SPHKAP: variants seen among roughly 807,000 people sequenced by gnomAD.
The protein encoded by SPHKAP is A-kinase anchor protein SPHKAP.
SPHKAP carries 67 observed loss-of-function variants against 137.5 expected under a neutral mutation model. The observed-to-expected ratio is 0.49, with a 90% confidence interval of 0.40 to 0.60. The LOEUF (loss-of-function observed/expected upper bound fraction) is 0.60. Among genes scored for constraint, SPHKAP ranks in the 20% least tolerant of loss-of-function variants. The pLI is 0.00. For missense variants in SPHKAP, 2,097 were observed against 2,069.3 expected (o/e 1.01, Z -0.26); for synonymous variants, 813 against 785.3 (o/e 1.04, Z -0.59).
At chr2:228,106,787 A>G (rs2106345157) in intron 3 of SPHKAP, among the ~76,000 whole-genome samples, 1 of 152,226 alleles carries the variant, frequency 6.6e-6, no homozygotes, top group Non-Finnish European at 1.5e-5. Context: ...TCTTCTACCC[A>G]TCCTAGAAAT....
chr2:228,051,911 G>A (rs1456428852), intron 3 of SPHKAP, among the ~76,000 whole-genome samples: 1 of 152,026 alleles, frequency 6.6e-6, no homozygotes, highest in Non-Finnish European at 1.5e-5. Flanking sequence ...ATTGATGAGA[G>A]TTCAGCCTTC....
chr2:228,002,355 G>T (rs1032159868), intron 7 of SPHKAP, among the ~76,000 whole-genome samples: 1 of 152,196 alleles, frequency 6.6e-6, no homozygotes, highest in Non-Finnish European at 1.5e-5. Context: ...TCTGTTGGCT[G>T]CATAAATGTC....
At chr2:228,003,791 A>G (rs1378662284) in intron 7 of SPHKAP, among the ~76,000 whole-genome samples, 2 of 152,190 alleles carry the variant, frequency 1.3e-5, no homozygotes, top group Non-Finnish European at 2.9e-5. Context: ...GAATTTTGTC[A>G]AAGGACTTTT....
intron 1 of SPHKAP, among the ~76,000 whole-genome samples, chr2:228,147,588 C>A (rs73997215): frequency 6.6e-6 from 1 of 152,086 alleles, no homozygotes; most frequent in Non-Finnish European, 1.5e-5. Context: ...ACTTGGGTCC[C>A]GACTGTCACT....
intron 3 of SPHKAP, among the ~76,000 whole-genome samples, chr2:228,106,275 A>C (rs1698343381): frequency 1.3e-5 from 2 of 152,228 alleles, no homozygotes; most frequent in African/African-American, 4.8e-5. Context: ...ACATCTAAAC[A>C]CTAGAAGTTC....
intron 3 of SPHKAP, among the ~76,000 whole-genome samples, chr2:228,076,193 T>C (rs1697177445): frequency 6.6e-6 from 1 of 152,148 alleles, no homozygotes; most frequent in Non-Finnish European, 1.5e-5. Flanking sequence ...GAACTGTAAG[T>C]TTAATAAACA....
chr2:228,133,809 C>T (rs539296319), intron 1 of SPHKAP, among the ~76,000 whole-genome samples: 2 of 152,144 alleles, frequency 1.3e-5, no homozygotes, highest in Non-Finnish European at 2.9e-5. Flanking sequence ...TTGGCATTTC[C>T]ATTATTATGG....
At chr2:228,163,777 A>G (rs989378095) in intron 1 of SPHKAP, among the ~76,000 whole-genome samples, 1 of 152,162 alleles carries the variant, frequency 6.6e-6, no homozygotes, top group African/African-American at 2.4e-5. Context: ...ATGTCCTTGA[A>G]ACTCAATAAG....
At chr2:228,101,669 A>G (rs1381494434) in intron 3 of SPHKAP, among the ~76,000 whole-genome samples, 1 of 152,244 alleles carries the variant, frequency 6.6e-6, no homozygotes. Flanking sequence ...AACCTGAGGC[A>G]GAGAAAGACT....
chr2:228,134,135 A>G (rs970618694), intron 1 of SPHKAP, among the ~76,000 whole-genome samples: 1 of 60,560 alleles, frequency 1.7e-5, no homozygotes, highest in African/African-American at 6.5e-5. Context: ...AGAAAGAAAG[A>G]GAAAGAGAAA....
intron 1 of SPHKAP, among the ~76,000 whole-genome samples, chr2:228,143,929 C>T (rs1446793272): frequency 6.6e-6 from 1 of 152,134 alleles, no homozygotes; most frequent in Non-Finnish European, 1.5e-5. Flanking sequence ...CCTCTGTGAC[C>T]TTGTCTTTTT....
At chr2:228,142,235 G>A (rs903499055) in intron 1 of SPHKAP, among the ~76,000 whole-genome samples, 2 of 150,424 alleles carry the variant, frequency 1.3e-5, no homozygotes, top group Admixed American at 1.3e-4. Context: ...GTTGTGCCCA[G>A]GGACTGCTGG....
At chr2:228,058,310 T>C (rs1242789681) in intron 3 of SPHKAP, among the ~76,000 whole-genome samples, 1 of 152,222 alleles carries the variant, frequency 6.6e-6, no homozygotes, top group Non-Finnish European at 1.5e-5. Context: ...TGTCTCATTA[T>C]ACACACATTA....
At chr2:228,107,068 TATCA>T (rs771448195) in intron 3 of SPHKAP, among the ~76,000 whole-genome samples, 2 of 151,668 alleles carry the variant, frequency 1.3e-5, no homozygotes, top group African/African-American at 4.8e-5. Context: ...CTCACGTAGT[TATCA>T]TTTTTTTTTT....
Position 228,016,955 on chromosome 2 carries a change from T to A in SPHKAP, c.3899A>T (p.His1300Leu), listed in dbSNP as rs1694625523. Residue 1300 changes from histidine to leucine, a missense_variant, in exon 7 of 12, where the codon CAC becomes CTC. Transcript: ENST00000392056. ...TTCATGAATTAACATGTTGGTGATG[T>A]GGTCAGTCCCACCTCTCCGATACAA... ...SCLYRRGGTD[H>L]ITNMLIHETW... 6.2e-7 allele frequency: 1 copy of A among 1,614,036 alleles called. No individual in the cohort carries two copies. Among genetic ancestry groups the A allele is most frequent in the Admixed American group, 1.7e-5 (1 of 60,004 alleles).
chr2:228,069,445 C>CTTTTTTTTTTTTTTTTTTTT (rs1250162411), intron 3 of SPHKAP, among the ~76,000 whole-genome samples: 1 of 81,492 alleles, frequency 1.2e-5, no homozygotes, highest in African/African-American at 4.7e-5. Flanking sequence ...TTCTTTCTTT[C>CTTTTTTTTTTTTTTTTTTTT]TTTCTTTTTT....
At chr2:228,170,672 CATA>C (rs1406359504) in intron 1 of SPHKAP, among the ~76,000 whole-genome samples, 1 of 152,068 alleles carries the variant, frequency 6.6e-6, no homozygotes, top group Non-Finnish European at 1.5e-5. Flanking sequence ...TGGTTTTACA[CATA>C]ATACTATCAC....
chr2:227,990,687 G>A (rs907740301), intron 11 of SPHKAP, among the ~76,000 whole-genome samples: 4 of 151,996 alleles, frequency 2.6e-5, no homozygotes, highest in Non-Finnish European at 4.4e-5. Flanking sequence ...TTTATTTAAA[G>A]GATCACTATC....
intron 8 of SPHKAP, among the ~76,000 whole-genome samples, chr2:227,995,132 C>G (rs148059577): frequency 2.0e-5 from 3 of 152,194 alleles, no homozygotes; most frequent in African/African-American, 7.2e-5. Flanking sequence ...ACACTTGCCT[C>G]GTGTAAACCC....
Sources: gnomAD v4.1 joint callset for allele counts (sites outside exome capture counted in the v4.1 genomes callset) on GRCh38, gnomAD v4.1.1 for gene constraint, MANE v1.5 for transcripts, NCBI Gene and HGNC (gene_info 2026-07-23, HGNC 2026-07-21) for gene names.